The following GNL2 variants were observed in gnomAD, a reference collection of about 807,000 sequenced individuals.
The protein encoded by GNL2 is nucleolar GTP-binding protein 2.
GNL2 carries 51 observed loss-of-function variants against 92.3 expected under a neutral mutation model. The observed-to-expected ratio is 0.55, with a 90% CI of 0.44 to 0.70. GNL2 has a LOEUF of 0.70. Among genes scored for constraint, GNL2 ranks in the 30% least tolerant of loss-of-function variants. The pLI is 0.00. For missense variants in GNL2, 844 were observed against 895.6 expected, an observed-to-expected ratio of 0.94 and a Z score of 0.74; for synonymous variants, 283 against 300.6, an observed-to-expected ratio of 0.94 and a Z score of 0.61.
In GNL2 at chr1:37,568,996, C is replaced by T. The variant is rs1643553056; in HGVS notation, c.1723G>A (p.Asp575Asn). 2 of 1,614,096 alleles carry T rather than the reference C, an allele frequency of 1.2e-6. No individual in the cohort carries two copies. The highest frequency in any genetic ancestry group is 1.7e-6 in the Non-Finnish European group (2 of 1,179,942). ...TCCGAGGAAGACTCTTCCGCATCAT[C>T]TCTTTGTTGCTCCTGTTCCTCCTCC... ...EEEEEQEQQR[D>N]DAEESSSEPE... The change falls in exon 13 of 16, where the codon GAT (aspartate) becomes AAT (asparagine). Residue 575 changes from aspartate to asparagine, a missense_variant. Asp to Asn is a conservative substitution (Grantham distance 23, BLOSUM62 1). Coordinates refer to ENST00000373062, the MANE Select transcript of GNL2 (RefSeq NM_013285.3).
intron 4 of GNL2, among the ~76,000 whole-genome samples, chr1:37,588,748 A>G (rs1249849862): frequency 6.6e-6 from 1 of 152,236 alleles, no homozygotes; most frequent in East Asian, 1.9e-4. Flanking sequence ...CAGTAGTTCT[A>G]AAACACATAT....
In GNL2 at chr1:37,567,142, T is replaced by C. The variant is rs1451858223; in HGVS notation, c.2044-135A>G. 5.6e-6 allele frequency: 5 copies of C among 887,526 alleles called. No individual in the cohort carries two copies. The African/African-American group carries it at 8.4e-5, about 15-fold the overall frequency. 55.0% of individuals were successfully genotyped at this position (887,526 alleles called of 1,614,324 possible). On this transcript the variant is annotated intron_variant, in intron 15 of 15. Coordinates refer to ENST00000373062, the MANE Select transcript of GNL2 (RefSeq NM_013285.3). ...CTTCCACAGCTACTGGAAGCAGTGC[T>C]AATGAGGGAGGGCTCCCCCGTAGAC... is the stretch of plus-strand genomic sequence containing the variant.
In GNL2 at chr1:37,575,636, G is replaced by C. The variant is rs746331992; in HGVS notation, c.1102C>G (p.Pro368Ala). 1 of 1,599,234 alleles carries C rather than the reference G, an allele frequency of 6.3e-7. No homozygotes were observed. Among genetic ancestry groups the C allele is most frequent in the South Asian group, 1.1e-5 (1 of 88,458 alleles). The change falls in exon 10 of 16, where the codon CCC (proline) becomes GCC (alanine). Residue 368 changes from proline (P) to alanine (A), a missense_variant. Coordinates refer to ENST00000373062, the MANE Select transcript of GNL2 (RefSeq NM_013285.3). The surrounding 1 kb of genome is among the most constrained non-coding windows in gnomAD (Gnocchi z 4.1). ...ATGTCTGTCTCGGAGTCCTCAGAGG[G>C]GTAAACCACACCTGGACAGTCAATC... ...FLIDCPGVVY[P>A]SEDSETDIVL...
rs770307506 is a variant in GNL2, at chr1:37,566,909, G to GGTC, written c.2139_2141dup (p.Thr714dup). 3.7e-6 allele frequency: 6 copies of GGTC among 1,613,804 alleles called. No homozygotes were observed. Among genetic ancestry groups the GGTC allele is most frequent in the Non-Finnish European group, 2.5e-6 (3 of 1,179,898 alleles). On this transcript the variant is annotated inframe_insertion, in exon 16 of 16. Transcript: ENST00000373062. Reference sequence around the variant, plus strand: ...TGTGTTTCTGTCCCTCTGAGTCATTGGTCTTCTTTTTGTTCCTGTTCCTAT... The same window carrying GGTC: ...TGTGTTTCTGTCCCTCTGAGTCATTGGTCGTCTTCTTTTTGTTCCTGTTCCTAT...
chr1:37,579,631 C>T (rs1292246648), intron 8 of GNL2, among the ~76,000 whole-genome samples: 1 of 151,840 alleles, frequency 6.6e-6, no homozygotes, highest in African/African-American at 2.4e-5. Flanking sequence ...GGTGCAGTGG[C>T]TCATGCCTGT....
chr1:37,585,889 T>C (rs971906065), intron 5 of GNL2, among the ~76,000 whole-genome samples: 3 of 152,206 alleles, frequency 2.0e-5, no homozygotes, highest in Non-Finnish European at 2.9e-5. Flanking sequence ...TTTCTAGCAC[T>C]GCCCAAGGGA....
intron 8 of GNL2, among the ~76,000 whole-genome samples, chr1:37,579,895 C>CAAAAAAAAA (rs34353424): frequency 1.5e-3 from 108 of 73,840 alleles, no homozygotes; most frequent in Non-Finnish European, 2.4e-3. Context: ...GACTCTGCCT[C>CAAAAAAAAA]AAAAAAAAAA....
At position 37,568,977 on chromosome 1, in the gene GNL2, G is replaced by A; in HGVS notation, c.1742C>T (p.Ser581Phe). 1 of 1,614,182 alleles carries A rather than the reference G, an allele frequency of 6.2e-7. No individual in the cohort carries two copies. Among genetic ancestry groups the A allele is most frequent in the Non-Finnish European group, 8.5e-7 (1 of 1,180,008 alleles). The change falls in exon 13 of 16, where the codon TCC (serine) becomes TTC (phenylalanine). Residue 581 changes from serine (S) to phenylalanine (F), a missense_variant. Physicochemically the swap from Ser to Phe is radical, Grantham distance 155. Coordinates refer to ENST00000373062, the MANE Select transcript of GNL2 (RefSeq NM_013285.3). ...CACATTTTCCTCCTCAGGCTCCGAG[G>A]AAGACTCTTCCGCATCATCTCTTTG... ...EQQRDDAEESSSEPEEENVGN... is the reference protein window; with the variant it reads ...EQQRDDAEESFSEPEEENVGN...
At chr1:37,585,599 T>TA (rs1206615248) in intron 5 of GNL2, among the ~76,000 whole-genome samples, 1 of 152,196 alleles carries the variant, frequency 6.6e-6, no homozygotes, top group Non-Finnish European at 1.5e-5. Context: ...TTTACTGCAT[T>TA]ACCTACTATA....
At chr1:37,592,561 A>G (rs1643893963) in intron 3 of GNL2, 151 bp downstream of exon 3, 7 of 583,366 alleles carry the variant, frequency 1.2e-5, no homozygotes, top group South Asian at 1.1e-4. Flanking sequence ...GACCACCACT[A>G]CTTTTCCCAG....
chr1:37,568,793 G>A lies in GNL2; in HGVS notation c.1868+58C>T, dbSNP rs570138051. ...GTAAAAATATGGCTCTGGTACTCAT[G>A]GCAAATTTTTGGGAAAGGAATGAAA... On this transcript the variant is annotated intron_variant, in intron 13 of 15. Coordinates refer to ENST00000373062, the MANE Select transcript of GNL2 (RefSeq NM_013285.3). 5.3e-6 allele frequency: 7 copies of A among 1,319,948 alleles called. No individual in the cohort carries two copies. The East Asian group carries it at 1.6e-4, about 30-fold the overall frequency. 81.8% of individuals were successfully genotyped at this position (1,319,948 alleles called of 1,614,324 possible). A position where few individuals can be genotyped will look rare whatever the true frequency, so the allele number is the denominator to read the frequency against.
chr1:37,594,947 G>A (rs1222818141), intron 1 of GNL2, among the ~76,000 whole-genome samples: 5 of 152,116 alleles, frequency 3.3e-5, no homozygotes, highest in Non-Finnish European at 7.4e-5. Context: ...AGAAACTGGC[G>A]GCTCTACTAC....
At chr1:37,579,114 A>C (rs937545970) in intron 8 of GNL2, among the ~76,000 whole-genome samples, 1 of 152,194 alleles carries the variant, frequency 6.6e-6, no homozygotes, top group Non-Finnish European at 1.5e-5. Context: ...AAATTTCAAA[A>C]CGTCATTAAT....
chr1:37,591,782 C>T (rs1643889366), intron 3 of GNL2, among the ~76,000 whole-genome samples: 1 of 152,210 alleles, frequency 6.6e-6, no homozygotes, highest in Non-Finnish European at 1.5e-5. Flanking sequence ...GCTGGGATTA[C>T]AGGCGTGAGC....
Position 37,574,455 on chromosome 1 carries a change from C to A in GNL2, c.1304G>T (p.Gly435Val). The A allele has an allele frequency of 1.2e-6, 2 of 1,611,134 alleles. No individual in the cohort carries two copies. Among genetic ancestry groups the A allele is most frequent in the Middle Eastern group, 1.7e-4 (1 of 6,054 alleles). The stretch of plus-strand genomic sequence containing the variant: ...CACAGTCTGCAAGTCGGGCTCTCCA[C>A]CCTGAAAGGTCACAAAGAGATTCCC... ...LAFRTGKLLK[G>V]GEPDLQTVGK... The change falls in exon 12 of 16, where the codon GGT becomes GTT. Residue 435 changes from glycine (G) to valine (V), a missense_variant and splice_region_variant. Coordinates refer to ENST00000373062, the MANE Select transcript of GNL2 (RefSeq NM_013285.3).
Position 37,574,790 on chromosome 1 carries a change from G to C in GNL2, c.1177C>G (p.His393Asp), listed in dbSNP as rs1244833847. The C allele has an allele frequency of 1.2e-6, 2 of 1,612,966 alleles. No homozygotes were observed. The highest frequency in any genetic ancestry group is 1.7e-6 in the Non-Finnish European group (2 of 1,179,022). The change falls in exon 11 of 16, where the codon CAC (histidine) becomes GAC (aspartate). Residue 393 changes from histidine to aspartate, a missense_variant. His to Asp is a moderately conservative substitution (Grantham distance 81). Transcript: ENST00000373062. ...GCTCGTTCAAGTACAGCACCAATGT[G>C]GTCTTCAGGACTCTTAATTTTTTCT... is the stretch of plus-strand genomic sequence containing the variant. ...QVEKIKSPED[H>D]IGAVLERAKP...
At chr1:37,594,074 A>G (rs1434237021) in intron 1 of GNL2, 3 of 508,708 alleles carry the variant, frequency 5.9e-6, no homozygotes, top group Admixed American at 7.2e-5. Flanking sequence ...TTTGAGAAGA[A>G]TAGCTAATAT....
intron 12 of GNL2, among the ~76,000 whole-genome samples, chr1:37,572,926 A>C (rs1281906666): frequency 6.6e-6 from 1 of 152,130 alleles, no homozygotes; most frequent in Non-Finnish European, 1.5e-5. Context: ...AGAACTGCAG[A>C]ACTGATATGG....
At chr1:37,578,114 C>T (rs1643706731) in intron 8 of GNL2, among the ~76,000 whole-genome samples, 2 of 152,244 alleles carry the variant, frequency 1.3e-5, no homozygotes, top group Admixed American at 1.3e-4. Context: ...CCTACAGACA[C>T]TGGTATCTAC....
Sources: allele counts gnomAD v4.1 joint callset (sites outside exome capture counted in the v4.1 genomes callset), GRCh38; gene constraint gnomAD v4.1.1; non-coding constraint Gnocchi (gnomAD v3.1); transcripts MANE v1.5; gene names NCBI Gene and HGNC (gene_info 2026-07-23, HGNC 2026-07-21).